The following AGAP1 variants were observed in gnomAD, a reference collection of about 807,000 sequenced individuals.
The protein encoded by AGAP1 is arf-GAP with GTPase, ANK repeat and PH domain-containing protein 1.
AGAP1 carries 29 observed loss-of-function variants against 105.3 expected under a neutral mutation model. The ratio of observed to expected loss-of-function variants is 0.28; its 90% CI spans 0.21 to 0.38. AGAP1 has a LOEUF of 0.38. Ranked by LOEUF, AGAP1 falls within the 10% of genes least tolerant of loss-of-function variation. AGAP1 has a pLI of 1.00. For synonymous variants in AGAP1, 509 were observed against 485.9 expected, an observed-to-expected ratio of 1.05 and a Z score of -0.63; for missense variants, 998 against 1,165.1, an observed-to-expected ratio of 0.86 and a Z score of 2.09.
rs114003170 is a variant in AGAP1, at chr2:235,747,573, G to A, written c.538+2734G>A. Among the ~76,000 whole-genome samples, 18 of 152,328 alleles carry A rather than the reference G, an allele frequency of 1.2e-4. No individual in the cohort carries two copies. The highest frequency in any genetic ancestry group is 4.1e-4 in the African/African-American group (17 of 41,590). The stretch of plus-strand genomic sequence containing the variant: ...ACCAGAACGAAAAGTTGCAATCAGG[G>A]CTGTATTCCTCACCTGCGGGATTCT... On this transcript the variant is annotated intron_variant, in intron 5 of 17. Coordinates refer to ENST00000304032, the MANE Select transcript of AGAP1 (RefSeq NM_001037131.3). This position sits in a 1 kb window ranked among gnomAD's most constrained non-coding sequence, Gnocchi z 5.0.
chr2:235,535,103 G>A lies in AGAP1; in HGVS notation c.163+40254G>A, dbSNP rs1943166703. Among the ~76,000 whole-genome samples the A allele has an allele frequency of 6.6e-6, 1 of 152,102 alleles. No homozygotes were observed. The highest frequency in any genetic ancestry group is 6.5e-5 in the Admixed American group (1 of 15,276). On this transcript the variant is annotated intron_variant, in intron 1 of 17. Coordinates refer to ENST00000304032, the MANE Select transcript of AGAP1 (RefSeq NM_001037131.3). This position sits in a 1 kb window ranked among gnomAD's most constrained non-coding sequence, Gnocchi z 5.1. ...AACGACCTGCTCCCCCAGGTGAATGGATTCTCGCCAGGGCCAATACTTATC... is the reference window on the plus strand; with the variant it reads ...AACGACCTGCTCCCCCAGGTGAATGAATTCTCGCCAGGGCCAATACTTATC...
chr2:235,688,979 C>T (rs564427609), intron 1 of AGAP1, among the ~76,000 whole-genome samples: 1 of 152,316 alleles, frequency 6.6e-6, no homozygotes, highest in Admixed American at 6.5e-5. Context: ...CTGTTGGAAG[C>T]ACTTTGCTTG....
intron 9 of AGAP1, among the ~76,000 whole-genome samples, chr2:235,876,123 G>T (rs1575670356): frequency 6.6e-6 from 1 of 152,134 alleles, no homozygotes; most frequent in Non-Finnish European, 1.5e-5. Flanking sequence ...ATTGCCTTCT[G>T]TATCTTTACT....
rs970893857 is a variant in AGAP1 at position 235,961,216 on chromosome 2, G to A, written c.1484-7246G>A. 4.6e-5 allele frequency among the ~76,000 whole-genome samples: 7 copies of A among 152,204 alleles called. No individual in the cohort carries two copies. The highest frequency in any genetic ancestry group is 1.7e-4 in the African/African-American group (7 of 41,454). On this transcript the variant is annotated intron_variant, in intron 12 of 17. Transcript: ENST00000304032. The surrounding 1 kb of genome is among the most constrained non-coding windows in gnomAD (Gnocchi z 5.9). Reference sequence around the variant, plus strand: ...AGAGAGCCACGGAGCACAGGGGGCCGGGAGGGGCTGGATGCGCCAGTGGCC... The same window carrying A: ...AGAGAGCCACGGAGCACAGGGGGCCAGGAGGGGCTGGATGCGCCAGTGGCC...
intron 8 of AGAP1, among the ~76,000 whole-genome samples, chr2:235,805,613 A>G (rs933953502): frequency 1.3e-5 from 2 of 152,196 alleles, no homozygotes; most frequent in Non-Finnish European, 2.9e-5. Flanking sequence ...TAGGAACCTC[A>G]GGAGCCAGCT....
Position 236,020,915 on chromosome 2 carries a change from C to T in AGAP1, c.1646-15646C>T, listed in dbSNP as rs2056861795. On this transcript the variant is annotated intron_variant, in intron 13 of 17. Transcript: ENST00000304032. The surrounding 1 kb of genome is among the most constrained non-coding windows in gnomAD (Gnocchi z 5.0). ...GCACAGTGGCTCACACCTATAATCCCAGCACTTTGGGAGGTCAAGGTGGGT... is the reference window on the plus strand; with the variant it reads ...GCACAGTGGCTCACACCTATAATCCTAGCACTTTGGGAGGTCAAGGTGGGT... 6.6e-6 allele frequency among the ~76,000 whole-genome samples: 1 copy of T among 152,112 alleles called. No individual in the cohort carries two copies. The highest frequency in any genetic ancestry group is 2.4e-5 in the African/African-American group (1 of 41,420).
chr2:235,675,117 A>G (rs916476432), intron 1 of AGAP1, among the ~76,000 whole-genome samples: 2 of 151,870 alleles, frequency 1.3e-5, no homozygotes, highest in African/African-American at 4.8e-5. Context: ...AAACAATTTG[A>G]TAAAGTTTGA....
intron 9 of AGAP1, among the ~76,000 whole-genome samples, chr2:235,852,087 G>T (rs1387813924): frequency 6.6e-6 from 1 of 152,142 alleles, no homozygotes; most frequent in Non-Finnish European, 1.5e-5. Flanking sequence ...AGAAGGTCAG[G>T]CCTGTCCAGA....
In AGAP1 at chr2:236,125,389, A is replaced by C. The variant is rs1576361538; in HGVS notation, c.*1267A>C. ...ATGGAAAATATTCCCAGCAGTAAACACTTCCATTAATGTGATCTACGGCTT... is the reference window on the plus strand; with the variant it reads ...ATGGAAAATATTCCCAGCAGTAAACCCTTCCATTAATGTGATCTACGGCTT... On this transcript the variant is annotated 3_prime_UTR_variant, in exon 18 of 18. Coordinates refer to ENST00000304032, the MANE Select transcript of AGAP1 (RefSeq NM_001037131.3). This position sits in a 1 kb window ranked among gnomAD's most constrained non-coding sequence, Gnocchi z 5.2. 6.6e-6 allele frequency: 1 copy of C among 152,578 alleles called. No individual in the cohort carries two copies. Among genetic ancestry groups the C allele is most frequent in the East Asian group, 1.9e-4 (1 of 5,202 alleles). The allele number at this position is 152,578 out of a possible 1,614,324, so 9.5% of individuals were successfully genotyped here. A position where few individuals can be genotyped will look rare whatever the true frequency, so the allele number is the denominator to read the frequency against.
chr2:235,898,504 CA>C (rs2050916621), intron 10 of AGAP1, among the ~76,000 whole-genome samples: 1 of 129,336 alleles, frequency 7.7e-6, no homozygotes, highest in African/African-American at 2.9e-5. Flanking sequence ...GCCTGTGCTA[CA>C]AAGTGAAAAA....
At position 235,962,046 on chromosome 2, in the gene AGAP1, G is replaced by GGTTTTGTTTT. The variant is rs72183486; in HGVS notation, c.1484-6386_1484-6377dup. On this transcript the variant is annotated intron_variant, in intron 12 of 17. Transcript: ENST00000304032. This position sits in a 1 kb window ranked among gnomAD's most constrained non-coding sequence, Gnocchi z 5.3. ...CTTCTGATGGATGCTTTTGGTTTTT[G>GGTTTTGTTTT]GTTTTGTTTTGTTTTGTTTTGTTTT... is the stretch of plus-strand genomic sequence containing the variant. Among the ~76,000 whole-genome samples the GGTTTTGTTTT allele has an allele frequency of 1.6e-3, 246 of 150,642 alleles. 1 individual carries two copies. The Middle Eastern group carries it at 0.021, about 13-fold the overall frequency.
In AGAP1 at chr2:236,124,027, C is replaced by A; in HGVS notation, c.2479C>A (p.Pro827Thr). ...CGACGTGCTGCTGCAGTACGGCTGCCCCGACGAGCGCTTCGTGCTCATGGC... is the reference window on the plus strand; with the variant it reads ...CGACGTGCTGCTGCAGTACGGCTGCACCGACGAGCGCTTCGTGCTCATGGC... ...CIDVLLQYGC[P>T]DERFVLMATP... Residue 827 changes from proline to threonine, a missense_variant, in exon 18 of 18, where the codon CCC becomes ACC. Pro to Thr is a conservative substitution (Grantham distance 38). This residue lies in a region of AGAP1 where 235 missense variants were observed against 270.7 expected (regional missense o/e 0.87). Coordinates refer to ENST00000304032, the MANE Select transcript of AGAP1 (RefSeq NM_001037131.3). The surrounding 1 kb of genome is among the most constrained non-coding windows in gnomAD (Gnocchi z 5.1). The A allele has an allele frequency of 6.2e-7, 1 of 1,614,064 alleles. No individual in the cohort carries two copies.
At chr2:235,670,770 C>T (rs1356989160) in intron 1 of AGAP1, 19 of 1,155,948 alleles carry the variant, frequency 1.6e-5, no homozygotes, top group Non-Finnish European at 6.1e-6. Context: ...GACGCGCTCT[C>T]GGACCTGGAG....
chr2:235,947,309 G>A (rs2053543930), intron 12 of AGAP1, among the ~76,000 whole-genome samples: 1 of 152,126 alleles, frequency 6.6e-6, no homozygotes, highest in Non-Finnish European at 1.5e-5. Context: ...CCACTTATGA[G>A]TCAGAGCATA....
rs1168068224 is a variant in AGAP1, at chr2:235,716,935, C to T, written c.223-622C>T. On this transcript the variant is annotated intron_variant, in intron 2 of 17. Coordinates refer to ENST00000304032, the MANE Select transcript of AGAP1 (RefSeq NM_001037131.3). This position sits in a 1 kb window ranked among gnomAD's most constrained non-coding sequence, Gnocchi z 4.0. ...ACAAACGAGCACCTTTGCCGTCTCT[C>T]CCAGCAGCCCTGGCACTGTCCCCTT... Among the ~76,000 whole-genome samples the T allele has an allele frequency of 6.6e-6, 1 of 152,058 alleles. No homozygotes were observed. The highest frequency in any genetic ancestry group is 1.5e-5 in the Non-Finnish European group (1 of 68,020).
intron 9 of AGAP1, among the ~76,000 whole-genome samples, chr2:235,840,347 A>G (rs1310008370): frequency 6.6e-6 from 1 of 152,262 alleles, no homozygotes; most frequent in Non-Finnish European, 1.5e-5. Context: ...TTAGAGACAT[A>G]ACACGGCGAC....
intron 12 of AGAP1, among the ~76,000 whole-genome samples, chr2:235,966,594 A>G (rs1252648758): frequency 1.3e-5 from 2 of 152,118 alleles, no homozygotes; most frequent in Non-Finnish European, 2.9e-5. Flanking sequence ...GCAACTCCTT[A>G]AAGTGGTGAA....
intron 9 of AGAP1, among the ~76,000 whole-genome samples, chr2:235,833,161 G>T (rs1452115965): frequency 1.3e-5 from 2 of 152,210 alleles, no homozygotes; most frequent in Admixed American, 6.5e-5. Context: ...GCAGGCTGTT[G>T]GGTGCTGCAG....
At chr2:236,100,814 A>G (rs1051338048) in intron 16 of AGAP1, among the ~76,000 whole-genome samples, 1 of 151,486 alleles carries the variant, frequency 6.6e-6, no homozygotes, top group Admixed American at 6.6e-5. Context: ...TGGGCAACAC[A>G]GTAAGATTCC....
Sources: allele counts gnomAD v4.1 joint callset (sites outside exome capture counted in the v4.1 genomes callset), GRCh38; gene constraint gnomAD v4.1.1; regional missense constraint gnomAD v4.1.1; non-coding constraint Gnocchi (gnomAD v3.1); transcripts MANE v1.5; gene names NCBI Gene and HGNC (gene_info 2026-07-23, HGNC 2026-07-21).